USP6NL: variants seen among roughly 807,000 people sequenced by gnomAD.
The protein encoded by USP6NL is USP6 N-terminal like, also known as USP6 N-terminal-like protein.
Under a neutral mutation model 61.9 loss-of-function variants are expected in USP6NL, and 26 were observed. The observed-to-expected ratio is 0.42, with a 90% CI of 0.31 to 0.58. USP6NL has a LOEUF of 0.58. Among genes scored for constraint, USP6NL ranks in the 20% least tolerant of loss-of-function variants. USP6NL has a pLI of 0.16. For missense variants in USP6NL, 1,114 were observed against 1,034.3 expected, an observed-to-expected ratio of 1.08 and a Z score of -1.06; for synonymous variants, 432 against 390.1, an observed-to-expected ratio of 1.11 and a Z score of -1.27.
In USP6NL at chr10:11,490,472, A is replaced by T. The variant is rs1033303613; in HGVS notation, c.543+360T>A. Among the ~76,000 whole-genome samples, 7 of 152,226 alleles carry T rather than the reference A, an allele frequency of 4.6e-5. No homozygotes were observed. Among genetic ancestry groups the T allele is most frequent in the African/African-American group, 1.4e-4 (6 of 41,456 alleles). Reference sequence around the variant, plus strand: ...CCTCCCAAGAGCAAAGAGAGTTATAAAAAGTCAAGCAAAAATTAACCAAGC... The same window carrying T: ...CCTCCCAAGAGCAAAGAGAGTTATATAAAGTCAAGCAAAAATTAACCAAGC... On this transcript the variant is annotated intron_variant, in intron 9 of 14. Coordinates refer to ENST00000609104, the MANE Select transcript of USP6NL (RefSeq NM_014688.5). This position sits in a 1 kb window ranked among gnomAD's most constrained non-coding sequence, Gnocchi z 4.5.
chr10:11,526,348 A>T (rs1259635949), intron 3 of USP6NL, among the ~76,000 whole-genome samples: 1 of 152,102 alleles, frequency 6.6e-6, no homozygotes, highest in African/African-American at 2.4e-5. Context: ...GTACACTGGG[A>T]GCATCCTGTA....
Position 11,532,031 on chromosome 10 carries a change from G to T in USP6NL, c.5-4464C>A. On this transcript the variant is annotated intron_variant, in intron 2 of 14. Coordinates refer to ENST00000609104, the MANE Select transcript of USP6NL (RefSeq NM_014688.5). The surrounding 1 kb of genome is among the most constrained non-coding windows in gnomAD (Gnocchi z 4.1). ...ATTGTATCTTAATGTCACTAAATTA[G>T]CACCAAACTGCAATGAAAAATTCAT... The T allele has an allele frequency of 1.6e-6, 1 of 617,162 alleles. No homozygotes were observed. The highest frequency in any genetic ancestry group is 2.8e-6 in the Non-Finnish European group (1 of 358,582). The allele number at this position is 617,162 out of a possible 1,614,324, so 38.2% of individuals were successfully genotyped here.
At chr10:11,508,860 C>A (rs757966457) in intron 6 of USP6NL, among the ~76,000 whole-genome samples, 44 of 152,126 alleles carry the variant, frequency 2.9e-4, no homozygotes, top group Non-Finnish European at 1.8e-4. Flanking sequence ...ATCTGGCAGA[C>A]ATTATCTCAA....
In USP6NL at chr10:11,461,967, G is replaced by T. The variant is rs1007364506; in HGVS notation, c.*474C>A. On this transcript the variant is annotated 3_prime_UTR_variant, in exon 15 of 15. Coordinates refer to ENST00000609104, the MANE Select transcript of USP6NL (RefSeq NM_014688.5). The stretch of plus-strand genomic sequence containing the variant: ...ATTCCATGGATCTGGATTAAAAGTA[G>T]TTTTTTAAAAAACGTTTCTTTAGCT... 3 of 153,556 alleles carry T rather than the reference G, an allele frequency of 2.0e-5. No homozygotes were observed. Among genetic ancestry groups the T allele is most frequent in the African/African-American group, 7.2e-5 (3 of 41,458 alleles). 9.5% of individuals were successfully genotyped at this position (153,556 alleles called of 1,614,324 possible).
At chr10:11,608,485 T>C (rs1838777451) in intron 1 of USP6NL, among the ~76,000 whole-genome samples, 1 of 152,238 alleles carries the variant, frequency 6.6e-6, no homozygotes, top group African/African-American at 2.4e-5. Flanking sequence ...CTTCAGTGAC[T>C]GTGAACAAGC....
At chr10:11,601,312 CGTT>C (rs1362673366) in intron 1 of USP6NL, among the ~76,000 whole-genome samples, 4 of 151,978 alleles carry the variant, frequency 2.6e-5, no homozygotes, top group Admixed American at 6.6e-5. Flanking sequence ...ATTAACAATA[CGTT>C]GTTAAGAGAC....
In USP6NL at chr10:11,509,683, A is replaced by G. The variant is rs764824767; in HGVS notation, c.196-8T>C. 7 of 1,551,296 alleles carry G rather than the reference A, an allele frequency of 4.5e-6. No homozygotes were observed. The East Asian group carries it at 1.2e-4, about 26-fold the overall frequency. ...AATTTCCAGGTGCTTTTGCTAAAAT[A>G]AAATTGAAATTCATTGTTATTGTTG... On this transcript the variant is annotated splice_region_variant and splice_polypyrimidine_tract_variant and intron_variant, in intron 5 of 14. Transcript: ENST00000609104.
intron 2 of USP6NL, among the ~76,000 whole-genome samples, chr10:11,556,640 A>T (rs1468992790): frequency 6.6e-6 from 1 of 152,186 alleles, no homozygotes. Context: ...CTTATCTCGG[A>T]CAAAGCCGAC....
At position 11,600,779 on chromosome 10, in the gene USP6NL, C is replaced by G. The variant is rs1838497258; in HGVS notation, c.-83-3062G>C. On this transcript the variant is annotated intron_variant, in intron 1 of 14. Coordinates refer to ENST00000609104, the MANE Select transcript of USP6NL (RefSeq NM_014688.5). The surrounding 1 kb of genome is among the most constrained non-coding windows in gnomAD (Gnocchi z 4.1). ...GGTCAGGAGTTCAAGACCAGCCTGG[C>G]CAACATGGTGAAACCCTGTCTCTAC... is the stretch of plus-strand genomic sequence containing the variant. Among the ~76,000 whole-genome samples the G allele has an allele frequency of 6.6e-6, 1 of 152,072 alleles. No homozygotes were observed. Among genetic ancestry groups the G allele is most frequent in the Admixed American group, 6.5e-5 (1 of 15,272 alleles).
chr10:11,521,671 C>T (rs1162821191), intron 4 of USP6NL, among the ~76,000 whole-genome samples: 24 of 152,118 alleles, frequency 1.6e-4, no homozygotes, highest in Admixed American at 1.2e-3. Flanking sequence ...TAAGCCACCG[C>T]GCCCGGCCAA....
Position 11,600,541 on chromosome 10 carries a change from G to A in USP6NL, c.-83-2824C>T, listed in dbSNP as rs561262486. Reference sequence around the variant, plus strand: ...ATTACAGCCAAAGATGACTAATACAGACAGTAAAGATAGTAATTTTAAATT... The same window carrying A: ...ATTACAGCCAAAGATGACTAATACAAACAGTAAAGATAGTAATTTTAAATT... On this transcript the variant is annotated intron_variant, in intron 1 of 14. Transcript: ENST00000609104. The surrounding 1 kb of genome is among the most constrained non-coding windows in gnomAD (Gnocchi z 4.1). 1.3e-5 allele frequency among the ~76,000 whole-genome samples: 2 copies of A among 152,222 alleles called. No individual in the cohort carries two copies. Among genetic ancestry groups the A allele is most frequent in the African/African-American group, 2.4e-5 (1 of 41,526 alleles).
At chr10:11,542,731 T>C (rs565893580) in intron 2 of USP6NL, among the ~76,000 whole-genome samples, 2 of 151,778 alleles carry the variant, frequency 1.3e-5, no homozygotes, top group South Asian at 4.2e-4. Flanking sequence ...AAAACAGTAA[T>C]AATAAAACAA....
rs868695387 is a variant in USP6NL at position 11,600,207 on chromosome 10, G to A, written c.-83-2490C>T. Among the ~76,000 whole-genome samples, 1 of 152,214 alleles carries A rather than the reference G, an allele frequency of 6.6e-6. No homozygotes were observed. The highest frequency in any genetic ancestry group is 3.4e-3 in the Middle Eastern group (1 of 294). On this transcript the variant is annotated intron_variant, in intron 1 of 14. Coordinates refer to ENST00000609104, the MANE Select transcript of USP6NL (RefSeq NM_014688.5). This position sits in a 1 kb window ranked among gnomAD's most constrained non-coding sequence, Gnocchi z 4.1. ...TATTGGGATATTTCTGCAAAAATTG[G>A]CCTTTCATCTCATTTTCCAGGTACT...
chr10:11,493,284 C>T lies in USP6NL; in HGVS notation c.385-56G>A, dbSNP rs7920110. The T allele has an allele frequency of 9.8e-3, 13,901 of 1,417,824 alleles. 177 individuals carry two copies. Among genetic ancestry groups the T allele is most frequent in the African/African-American group, 0.055 (3,828 of 69,824 alleles). 87.8% of individuals were successfully genotyped at this position (1,417,824 alleles called of 1,614,324 possible). Reference sequence around the variant, plus strand: ...TTTTATGGAAATTAGTTGTTGAAAACTCTATGACAAATAATAATTCTCATT... The same window carrying T: ...TTTTATGGAAATTAGTTGTTGAAAATTCTATGACAAATAATAATTCTCATT... On this transcript the variant is annotated intron_variant, in intron 7 of 14. Transcript: ENST00000609104.
At chr10:11,488,562 C>T (rs1433573030) in intron 10 of USP6NL, among the ~76,000 whole-genome samples, 1 of 152,212 alleles carries the variant, frequency 6.6e-6, no homozygotes, top group African/African-American at 2.4e-5. Flanking sequence ...CGTTATCAAC[C>T]TTTTATTTAA....
At chr10:11,573,666 A>C in intron 2 of USP6NL, 1 of 398,892 alleles carries the variant, frequency 2.5e-6, no homozygotes, top group Non-Finnish European at 4.4e-6. Context: ...ACAATCTGCA[A>C]GACTTGAATC....
In USP6NL at chr10:11,489,726, T is replaced by C. The variant is rs745929398; in HGVS notation, c.544-504A>G. ...CTTATGATGTGGCCTTAAGGATTCA[T>C]GCTTGTGCCACAGGAACCACAGCTA... On this transcript the variant is annotated intron_variant, in intron 9 of 14. Coordinates refer to ENST00000609104, the MANE Select transcript of USP6NL (RefSeq NM_014688.5). The surrounding 1 kb of genome is among the most constrained non-coding windows in gnomAD (Gnocchi z 5.7). 6.6e-6 allele frequency among the ~76,000 whole-genome samples: 1 copy of C among 152,226 alleles called. No homozygotes were observed. Among genetic ancestry groups the C allele is most frequent in the African/African-American group, 2.4e-5 (1 of 41,444 alleles).
intron 2 of USP6NL, among the ~76,000 whole-genome samples, chr10:11,586,272 G>C (rs1353896711): frequency 6.6e-6 from 1 of 151,412 alleles, no homozygotes. Context: ...GGCATAAAAA[G>C]CTCAACATTA....
At chr10:11,521,681 A>AT (rs1349835632) in intron 4 of USP6NL, among the ~76,000 whole-genome samples, 1 of 152,168 alleles carries the variant, frequency 6.6e-6, no homozygotes, top group African/African-American at 2.4e-5. Flanking sequence ...CGCCCGGCCA[A>AT]TGATACTCTT....
Sources: gnomAD v4.1 joint callset for allele counts (sites outside exome capture counted in the v4.1 genomes callset) on GRCh38, gnomAD v4.1.1 for gene constraint, Gnocchi (gnomAD v3.1) non-coding constraint, MANE v1.5 for transcripts, NCBI Gene and HGNC (gene_info 2026-07-23, HGNC 2026-07-21) for gene names.